The following CNTNAP2 variants were observed in gnomAD, a reference collection of about 807,000 sequenced individuals.
CNTNAP2 encodes the protein contactin-associated protein-like 2.
Under a neutral mutation model 155.2 loss-of-function variants are expected in CNTNAP2, and 98 were observed. The ratio of observed to expected loss-of-function variants is 0.63; its 90% CI spans 0.54 to 0.75. CNTNAP2 has a LOEUF of 0.75. CNTNAP2 is among the 30% of genes least tolerant of loss of function. The pLI, the probability that CNTNAP2 is intolerant of heterozygous loss-of-function variation, is 0.00. For synonymous variants in CNTNAP2, 651 were observed against 631.2 expected (o/e 1.03, Z -0.47); for missense variants, 1,727 against 1,688.1 (o/e 1.02, Z -0.40).
chr7:146,851,143 C>A (rs934073086), intron 3 of CNTNAP2, among the ~76,000 whole-genome samples: 1 of 152,098 alleles, frequency 6.6e-6, no homozygotes, highest in Non-Finnish European at 1.5e-5. Flanking sequence ...TGCCACCACA[C>A]CCGGCTAATT....
Position 147,300,111 on chromosome 7 carries a change from T to A in CNTNAP2, c.1349-30T>A, listed in dbSNP as rs2692185. ...TGTGTTCAGCTGGGTAATTTTAAGATAAAAATGACTTTTATCTTGTACTTA... is the reference window on the plus strand; with the variant it reads ...TGTGTTCAGCTGGGTAATTTTAAGAAAAAAATGACTTTTATCTTGTACTTA... On this transcript the variant is annotated intron_variant, in intron 8 of 23. Transcript: ENST00000361727. 0.71 allele frequency: 1,150,785 copies of A among 1,610,594 alleles called. 414,650 individuals are homozygous for A. The highest frequency in any genetic ancestry group is 0.94 in the African/African-American group (70,426 of 74,902).
At chr7:148,207,271 G>A (rs1795465918) in intron 18 of CNTNAP2, among the ~76,000 whole-genome samples, 1 of 152,220 alleles carries the variant, frequency 6.6e-6, no homozygotes, top group Non-Finnish European at 1.5e-5. Flanking sequence ...CAGAATCGAA[G>A]AGTGAATAAA....
At chr7:146,780,569 T>C (rs1316424878) in intron 2 of CNTNAP2, among the ~76,000 whole-genome samples, 3 of 152,124 alleles carry the variant, frequency 2.0e-5, no homozygotes, top group African/African-American at 7.2e-5. Flanking sequence ...ATTTCTCTAA[T>C]GACCAGTGAT....
At chr7:148,039,628 C>T (rs867325119) in intron 15 of CNTNAP2, among the ~76,000 whole-genome samples, 1 of 152,204 alleles carries the variant, frequency 6.6e-6, no homozygotes, top group Non-Finnish European at 1.5e-5. Flanking sequence ...TCCTCCATCG[C>T]ATACTTTGCA....
intron 21 of CNTNAP2, among the ~76,000 whole-genome samples, chr7:148,348,890 A>G (rs1037123784): frequency 3.9e-5 from 6 of 152,200 alleles, no homozygotes; most frequent in Non-Finnish European, 8.8e-5. Flanking sequence ...ATCTTTTCTA[A>G]TTACAGACAC....
At position 146,159,242 on chromosome 7, in the gene CNTNAP2, G is replaced by A. The variant is rs573410453; in HGVS notation, c.97+42269G>A. Reference sequence around the variant, plus strand: ...CCTTACAAGAGCTCCTGAAGGAAGCGCTAAACATGGAAAGGAACAACCAGT... The same window carrying A: ...CCTTACAAGAGCTCCTGAAGGAAGCACTAAACATGGAAAGGAACAACCAGT... On this transcript the variant is annotated intron_variant, in intron 1 of 23. Transcript: ENST00000361727. Among the ~76,000 whole-genome samples the A allele has an allele frequency of 1.9e-3, 285 of 152,068 alleles. 2 individuals are homozygous for A. Among genetic ancestry groups the A allele is most frequent in the African/African-American group, 6.3e-3 (263 of 41,466 alleles).
chr7:148,155,570 G>C (rs1805384783), intron 17 of CNTNAP2, among the ~76,000 whole-genome samples: 1 of 152,116 alleles, frequency 6.6e-6, no homozygotes. Flanking sequence ...CCCGTGGAGG[G>C]GAGACAGGGT....
At chr7:146,273,166 A>C (rs1800110765) in intron 1 of CNTNAP2, among the ~76,000 whole-genome samples, 1 of 152,032 alleles carries the variant, frequency 6.6e-6, no homozygotes, top group African/African-American at 2.4e-5. Context: ...GCAAAGCCAC[A>C]AATTTCTGCT....
Position 147,937,990 on chromosome 7 carries a change from A to C in CNTNAP2, c.2255+34269A>C, listed in dbSNP as rs571759529. On this transcript the variant is annotated intron_variant, in intron 14 of 23. Transcript: ENST00000361727. The stretch of plus-strand genomic sequence containing the variant: ...TGGTTAATTCTCAGGGGCAGTCCTC[A>C]AAAGTTAGGATATTGTTCCTATTTC... Among the ~76,000 whole-genome samples the C allele has an allele frequency of 1.5e-3, 229 of 152,280 alleles. 2 individuals carry two copies. Among genetic ancestry groups the C allele is most frequent in the African/African-American group, 5.2e-3 (218 of 41,556 alleles).
At chr7:147,736,826 C>A (rs1796856545) in intron 13 of CNTNAP2, among the ~76,000 whole-genome samples, 1 of 152,220 alleles carries the variant, frequency 6.6e-6, no homozygotes, top group Non-Finnish European at 1.5e-5. Context: ...GCTACTGAAG[C>A]TTGTGCATTC....
chr7:148,096,737 T>C (rs1266219235), intron 15 of CNTNAP2, among the ~76,000 whole-genome samples: 3 of 152,098 alleles, frequency 2.0e-5, no homozygotes, highest in African/African-American at 7.2e-5. Flanking sequence ...AAGAGCCTGG[T>C]CTATGAAGGC....
chr7:148,149,097 G>C (rs1202306112), intron 17 of CNTNAP2, among the ~76,000 whole-genome samples: 1 of 152,156 alleles, frequency 6.6e-6, no homozygotes, highest in East Asian at 1.9e-4. Flanking sequence ...AACATGCTGG[G>C]TAGATTCTAT....
intron 13 of CNTNAP2, among the ~76,000 whole-genome samples, chr7:147,786,681 G>A (rs1421026437): frequency 6.6e-6 from 1 of 152,090 alleles, no homozygotes; most frequent in East Asian, 1.9e-4. Context: ...AGAAAGCACT[G>A]TGGAGGCCTG....
chr7:147,984,226 T>C (rs1801579540), intron 15 of CNTNAP2, among the ~76,000 whole-genome samples: 1 of 152,196 alleles, frequency 6.6e-6, no homozygotes, highest in East Asian at 1.9e-4. Flanking sequence ...CCGGCTTCTT[T>C]ACTGCAACCT....
chr7:148,265,684 G>A (rs1382122328), intron 20 of CNTNAP2, among the ~76,000 whole-genome samples: 5 of 152,122 alleles, frequency 3.3e-5, no homozygotes, highest in African/African-American at 1.2e-4. Context: ...TTGGATTTTT[G>A]TGGCAATACT....
At chr7:148,388,185 G>A (rs1188345557) in intron 22 of CNTNAP2, among the ~76,000 whole-genome samples, 2 of 152,038 alleles carry the variant, frequency 1.3e-5, no homozygotes, top group African/African-American at 2.4e-5. Context: ...GGGTACATGT[G>A]CACATTGTGC....
chr7:147,813,626 A>G (rs1010377817), intron 13 of CNTNAP2, among the ~76,000 whole-genome samples: 17 of 152,192 alleles, frequency 1.1e-4, no homozygotes, highest in African/African-American at 4.1e-4. Context: ...CTAGAAATAT[A>G]TGGTCCACTC....
Position 147,073,693 on chromosome 7 carries a change from C to T in CNTNAP2, c.550+29639C>T, listed in dbSNP as rs1333038498. 1.3e-5 allele frequency among the ~76,000 whole-genome samples: 2 copies of T among 152,002 alleles called. 1 individual carries two copies. Among genetic ancestry groups the T allele is most frequent in the Non-Finnish European group, 2.9e-5 (2 of 68,014 alleles). On this transcript the variant is annotated intron_variant, in intron 4 of 23. Transcript: ENST00000361727. ...GGGGAAATCTAGAAGGGAGATGTGA[C>T]AAGAAAGCATGCCAGGAAGACAGAA... is the stretch of plus-strand genomic sequence containing the variant.
At chr7:148,366,666 C>G (rs1319964636) in intron 21 of CNTNAP2, among the ~76,000 whole-genome samples, 3 of 152,168 alleles carry the variant, frequency 2.0e-5, no homozygotes, top group African/African-American at 7.2e-5. Flanking sequence ...AAATTGCTCA[C>G]AAATTAAAGA....
Sources: gnomAD v4.1 joint callset for allele counts (sites outside exome capture counted in the v4.1 genomes callset) on GRCh38, gnomAD v4.1.1 for gene constraint, MANE v1.5 for transcripts, NCBI Gene and HGNC (gene_info 2026-07-23, HGNC 2026-07-21) for gene names.